DNM2: variants seen among roughly 807,000 people sequenced by gnomAD.
The protein encoded by DNM2 is dynamin 2.
Under a neutral mutation model 99.0 loss-of-function variants are expected in DNM2, and 15 were observed. The observed-to-expected ratio is 0.15, with a 90% CI of 0.10 to 0.23. The LOEUF is 0.23. Ranked by LOEUF, DNM2 falls within the 10% of genes least tolerant of loss-of-function variation. The probability of loss-of-function intolerance (pLI) is 1.00; values close to 1 mark genes in which losing one functional copy is unlikely to be tolerated. For missense variants in DNM2, 742 were observed against 1,189.4 expected, an observed-to-expected ratio of 0.62 and a Z score of 5.53; for synonymous variants, 525 against 481.2, an observed-to-expected ratio of 1.09 and a Z score of -1.19.
At chr19:10,736,125 C>T (rs1278956031) in intron 1 of DNM2, among the ~76,000 whole-genome samples, 2 of 151,876 alleles carry the variant, frequency 1.3e-5, no homozygotes, top group African/African-American at 2.4e-5. Context: ...ATTAGCTGGG[C>T]GTGGTGGTGG....
chr19:10,830,603 C>A lies in DNM2; in HGVS notation c.2543+225C>A, dbSNP rs540762176. 1.6e-6 allele frequency: 1 copy of A among 627,310 alleles called. No individual in the cohort carries two copies. Among genetic ancestry groups the A allele is most frequent in the African/African-American group, 1.8e-5 (1 of 54,496 alleles). 38.9% of individuals were successfully genotyped at this position (627,310 alleles called of 1,614,324 possible). A position where few individuals can be genotyped will look rare whatever the true frequency, so the allele number is the denominator to read the frequency against. ...GGTGACTCCGGGGCTCCCAGCTTGCCCTCTGCCTACTGGGGTGTGCCACCA... is the reference window on the plus strand; with the variant it reads ...GGTGACTCCGGGGCTCCCAGCTTGCACTCTGCCTACTGGGGTGTGCCACCA... On this transcript the variant is annotated intron_variant, in intron 20 of 20. Coordinates refer to ENST00000389253, the MANE Select transcript of DNM2 (RefSeq NM_001005361.3). The surrounding 1 kb of genome is among the most constrained non-coding windows in gnomAD (Gnocchi z 4.8).
intron 10 of DNM2, 64 bp from the exon 11 acceptor site, chr19:10,798,422 G>A: frequency 2.1e-6 from 3 of 1,434,590 alleles, no homozygotes; most frequent in Non-Finnish European, 2.9e-6. Context: ...CTACCTGTGT[G>A]GTTCATGTTG....
intron 1 of DNM2, 21 bp downstream of exon 1, chr19:10,718,424 T>G (rs758285276): frequency 1.2e-5 from 17 of 1,436,464 alleles, no homozygotes; most frequent in Non-Finnish European, 1.6e-5. Context: ...GCGGCAGGGA[T>G]CGCGGGCGGG....
rs1248809408 is a variant in DNM2, at chr19:10,764,306, T to C, written c.235+4495T>C. On this transcript the variant is annotated intron_variant, in intron 2 of 20. Transcript: ENST00000389253. The surrounding 1 kb of genome is among the most constrained non-coding windows in gnomAD (Gnocchi z 4.1). ...GCACCCCATTGGCTGTGGTATGCTGTCTCTTCCTGTGGGGTCTGATGTCCA... is the reference window on the plus strand; with the variant it reads ...GCACCCCATTGGCTGTGGTATGCTGCCTCTTCCTGTGGGGTCTGATGTCCA... Among the ~76,000 whole-genome samples the C allele has an allele frequency of 1.3e-5, 2 of 152,200 alleles. No individual in the cohort carries two copies. The highest frequency in any genetic ancestry group is 4.8e-5 in the African/African-American group (2 of 41,434).
intron 15 of DNM2, among the ~76,000 whole-genome samples, 166 bp from the exon 16 acceptor site, chr19:10,819,814 A>T (rs1221932079): frequency 1.3e-5 from 2 of 152,190 alleles, no homozygotes; most frequent in East Asian, 3.9e-4. Context: ...CGTGGCTGGG[A>T]CAGAGTGACG....
At chr19:10,789,017 A>G (rs2071659377) in intron 7 of DNM2, among the ~76,000 whole-genome samples, 1 of 152,212 alleles carries the variant, frequency 6.6e-6, no homozygotes. Context: ...CAGAGCAGAT[A>G]GTGGCCCTTT....
At chr19:10,785,972 T>C (rs2071544491) in intron 6 of DNM2, among the ~76,000 whole-genome samples, 2 of 152,022 alleles carry the variant, frequency 1.3e-5, no homozygotes, top group Non-Finnish European at 2.9e-5. Context: ...ATAATTTTTG[T>C]ATTTTTTGGT....
At position 10,786,649 on chromosome 19, in the gene DNM2, A is replaced by T; in HGVS notation, c.935A>T (p.Glu312Val). The T allele has an allele frequency of 1.9e-6, 3 of 1,614,132 alleles. No individual in the cohort carries two copies. Among genetic ancestry groups the T allele is most frequent in the African/African-American group, 2.7e-5 (2 of 75,026 alleles). ...CTGCTGTCCCTGGAGAAGGAGGTGG[A>T]GGAGTACAAGAACTTTCGGCCCGAC... is the stretch of plus-strand genomic sequence containing the variant. ...SQLLSLEKEV[E>V]EYKNFRPDDP... The change falls in exon 7 of 21, where the codon GAG becomes GTG. Residue 312 changes from glutamate (E) to valine (V), a missense_variant. Physicochemically the swap from Glu to Val is moderately radical, Grantham distance 121. This residue lies in a region of DNM2 where 44 missense variants were observed against 41.3 expected (regional missense o/e 1.06). Coordinates refer to ENST00000389253, the MANE Select transcript of DNM2 (RefSeq NM_001005361.3).
intron 7 of DNM2, among the ~76,000 whole-genome samples, chr19:10,791,809 G>C (rs1024307078): frequency 1.3e-5 from 2 of 152,178 alleles, no homozygotes; most frequent in African/African-American, 4.8e-5. Context: ...TTCCAGGCTG[G>C]GTGCAGTGGC....
Position 10,772,742 on chromosome 19 carries a change from G to T in DNM2, c.385+114G>T. On this transcript the variant is annotated intron_variant, in intron 3 of 20. Transcript: ENST00000389253. This position sits in a 1 kb window ranked among gnomAD's most constrained non-coding sequence, Gnocchi z 4.9. ...GGTATCATGTGCCCATTCACAAACAGTTGATATTCACACACACATAGCCCC... is the reference window on the plus strand; with the variant it reads ...GGTATCATGTGCCCATTCACAAACATTTGATATTCACACACACATAGCCCC... The T allele has an allele frequency of 6.7e-7, 1 of 1,490,240 alleles. No individual in the cohort carries two copies. The highest frequency in any genetic ancestry group is 1.2e-5 in the South Asian group (1 of 84,724). The allele number at this position is 1,490,240 out of a possible 1,614,324, so 92.3% of individuals were successfully genotyped here. A position where few individuals can be genotyped will look rare whatever the true frequency, so the allele number is the denominator to read the frequency against.
intron 7 of DNM2, 107 bp downstream of exon 7, chr19:10,786,813 C>A: frequency 1.3e-6 from 2 of 1,560,888 alleles, no homozygotes; most frequent in Non-Finnish European, 1.7e-6. Context: ...CTCATTGATT[C>A]AGCAGACACT....
chr19:10,831,605 T>C lies in DNM2; in HGVS notation c.*558T>C. 1.0e-6 allele frequency: 1 copy of C among 985,978 alleles called. No homozygotes were observed. Among genetic ancestry groups the C allele is most frequent in the Non-Finnish European group, 1.2e-6 (1 of 830,064 alleles). 61.1% of individuals were successfully genotyped at this position (985,978 alleles called of 1,614,324 possible). ...CACACAGCCTGAGCCTGGCCCAGCCTCGGCTGCCAGAGGTGCCTTTGCTAG... is the reference window on the plus strand; with the variant it reads ...CACACAGCCTGAGCCTGGCCCAGCCCCGGCTGCCAGAGGTGCCTTTGCTAG... On this transcript the variant is annotated 3_prime_UTR_variant, in exon 21 of 21. Coordinates refer to ENST00000389253, the MANE Select transcript of DNM2 (RefSeq NM_001005361.3). The surrounding 1 kb of genome is among the most constrained non-coding windows in gnomAD (Gnocchi z 4.3).
chr19:10,781,606 C>A (rs1248446153), intron 5 of DNM2: 1 of 152,184 alleles, frequency 6.6e-6, no homozygotes, highest in East Asian at 1.9e-4. Context: ...CATGGTGAAA[C>A]CCCGTCTCTA....
chr19:10,740,324 T>G (rs1401183136), intron 1 of DNM2, among the ~76,000 whole-genome samples: 1 of 152,154 alleles, frequency 6.6e-6, no homozygotes, highest in African/African-American at 2.4e-5. Context: ...TTTCTGAGGT[T>G]CTTGAAGTGG....
rs531807436 is a variant in DNM2, at chr19:10,746,731, TTTG to T, written c.162-13004_162-13002del. Among the ~76,000 whole-genome samples, 88 of 116,070 alleles carry T rather than the reference TTTG, an allele frequency of 7.6e-4. 5 individuals are homozygous for T. The highest frequency in any genetic ancestry group is 1.4e-3 in the African/African-American group (38 of 27,104). The allele number at this position is 116,070 out of a possible 152,430, so 76.1% of individuals were successfully genotyped here. ...AACCGTGCCGGCTTTTTTTTTGTTT[TTTG>T]TTTTTTTTTTTTTTGAGACAGTCTC... On this transcript the variant is annotated intron_variant, in intron 1 of 20. Coordinates refer to ENST00000389253, the MANE Select transcript of DNM2 (RefSeq NM_001005361.3).
intron 1 of DNM2, among the ~76,000 whole-genome samples, chr19:10,747,439 A>T (rs1173278540): frequency 6.6e-6 from 1 of 152,138 alleles, no homozygotes; most frequent in South Asian, 2.1e-4. Context: ...TGTCCCTTGG[A>T]TGAGACCAGG....
chr19:10,793,132 A>G (rs538038603), intron 7 of DNM2, among the ~76,000 whole-genome samples: 1 of 152,328 alleles, frequency 6.6e-6, no homozygotes, highest in South Asian at 2.1e-4. Context: ...GGCACACAAA[A>G]TAACAGTGCA....
At chr19:10,762,359 T>A (rs2070662372) in intron 2 of DNM2, among the ~76,000 whole-genome samples, 1 of 151,974 alleles carries the variant, frequency 6.6e-6, no homozygotes, top group Non-Finnish European at 1.5e-5. Context: ...TTTTAATGAG[T>A]CCCTGGTGAT....
intron 1 of DNM2, among the ~76,000 whole-genome samples, chr19:10,739,948 T>G (rs1237417603): frequency 6.6e-6 from 1 of 151,284 alleles, no homozygotes; most frequent in Admixed American, 6.6e-5. Context: ...TTTTGAATAC[T>G]AATTAAATTT....
Sources: allele counts gnomAD v4.1 joint callset (sites outside exome capture counted in the v4.1 genomes callset), GRCh38; gene constraint gnomAD v4.1.1; regional missense constraint gnomAD v4.1.1; non-coding constraint Gnocchi (gnomAD v3.1); transcripts MANE v1.5; gene names NCBI Gene and HGNC (gene_info 2026-07-23, HGNC 2026-07-21).